Variants in THSD7A observed in about 807,000 individuals in gnomAD.
THSD7A encodes thrombospondin type 1 domain containing 7A, also known as thrombospondin type-1 domain-containing protein 7A.
THSD7A carries 96 observed loss-of-function variants against 231.3 expected under a neutral mutation model. The observed-to-expected ratio is 0.41, with a 90% CI of 0.35 to 0.49. The LOEUF (loss-of-function observed/expected upper bound fraction) is 0.49. Among genes scored for constraint, THSD7A ranks in the 20% least tolerant of loss-of-function variants. The pLI is 0.05. For missense variants in THSD7A, 2,290 were observed against 2,070.2 expected (o/e 1.11, Z -2.06); for synonymous variants, 940 against 743.3 (o/e 1.26, Z -4.30).
At chr7:11,610,641 A>C (rs1442203245) in intron 2 of THSD7A, among the ~76,000 whole-genome samples, 4 of 152,138 alleles carry the variant, frequency 2.6e-5, no homozygotes, top group African/African-American at 4.8e-5. Flanking sequence ...TTAAAAGAAG[A>C]TAATTCTATT....
At chr7:11,638,130 G>C (rs1235155792) in intron 1 of THSD7A, among the ~76,000 whole-genome samples, 1 of 152,024 alleles carries the variant, frequency 6.6e-6, no homozygotes, top group Admixed American at 6.6e-5. Context: ...AACTCTATTT[G>C]TATTATTAGT....
rs546768713 is a variant in THSD7A at position 11,524,126 on chromosome 7, G to C, written c.1822+17293C>G. 2.6e-5 allele frequency among the ~76,000 whole-genome samples: 4 copies of C among 152,200 alleles called. No individual in the cohort carries two copies. The South Asian group carries it at 8.3e-4, about 32-fold the overall frequency. ...TCAATTTGTATTTCTTTATTGCAAT[G>C]TTCTTATATGTTTAGTAACCACCTG... On this transcript the variant is annotated intron_variant, in intron 6 of 27. Coordinates refer to ENST00000423059, the MANE Select transcript of THSD7A (RefSeq NM_015204.3).
At chr7:11,570,832 T>G (rs959079279) in intron 4 of THSD7A, among the ~76,000 whole-genome samples, 1 of 152,202 alleles carries the variant, frequency 6.6e-6, no homozygotes, top group African/African-American at 2.4e-5. Context: ...TATTTTCCCC[T>G]TGATGGGGGA....
chr7:11,462,926 T>C (rs940442593), intron 9 of THSD7A, among the ~76,000 whole-genome samples: 1 of 152,178 alleles, frequency 6.6e-6, no homozygotes. Flanking sequence ...CGTATAAAAC[T>C]TGCCAACTTT....
Position 11,832,102 on chromosome 7 carries a change from A to G in THSD7A, c.-156T>C. 1 of 438,296 alleles carries G rather than the reference A, an allele frequency of 2.3e-6. No individual in the cohort carries two copies. Among genetic ancestry groups the G allele is most frequent in the Non-Finnish European group, 3.6e-6 (1 of 280,010 alleles). 27.2% of individuals were successfully genotyped at this position (438,296 alleles called of 1,614,324 possible). On this transcript the variant is annotated 5_prime_UTR_variant, in exon 1 of 28. Transcript: ENST00000423059. ...AAGGAGGGAGAGCGCGTCTAACACCAGGGAACAATAGCGTCCGCGGTGGTG... is the reference window on the plus strand; with the variant it reads ...AAGGAGGGAGAGCGCGTCTAACACCGGGGAACAATAGCGTCCGCGGTGGTG...
At chr7:11,740,777 G>A (rs908469334) in intron 1 of THSD7A, among the ~76,000 whole-genome samples, 5 of 151,892 alleles carry the variant, frequency 3.3e-5, no homozygotes, top group Admixed American at 6.6e-5. Context: ...TATTGTGTGT[G>A]CATTTGTTTC....
intron 13 of THSD7A, among the ~76,000 whole-genome samples, chr7:11,441,917 C>T (rs966829433): frequency 2.0e-5 from 3 of 151,804 alleles, no homozygotes; most frequent in East Asian, 1.9e-4. Context: ...ACCACCATGG[C>T]GTATGTATAC....
At chr7:11,429,707 A>G (rs1465650226) in intron 13 of THSD7A, among the ~76,000 whole-genome samples, 4 of 152,200 alleles carry the variant, frequency 2.6e-5, no homozygotes, top group African/African-American at 4.8e-5. Flanking sequence ...CACATCTTAT[A>G]TCCATTTGAT....
chr7:11,592,860 T>C (rs1044843714), intron 3 of THSD7A, among the ~76,000 whole-genome samples: 1 of 151,022 alleles, frequency 6.6e-6, no homozygotes, highest in African/African-American at 2.4e-5. Flanking sequence ...ACCTGCCACC[T>C]TTTTTTTTAT....
intron 11 of THSD7A, among the ~76,000 whole-genome samples, chr7:11,456,110 G>A (rs1785300302): frequency 6.6e-6 from 1 of 151,924 alleles, no homozygotes; most frequent in African/African-American, 2.4e-5. Context: ...ATCATAATAG[G>A]TGACCTTTTA....
In THSD7A at chr7:11,474,502, G is replaced by C; in HGVS notation, c.2084C>G (p.Thr695Arg). ...EVRSCNEHPC[T>R]VYHWQTGPWG... ...GGGACCAGTTTGCCAGTGGTACACTGTGCAAGGATGCTCATTACAGCTTCG... is the reference window on the plus strand; with the variant it reads ...GGGACCAGTTTGCCAGTGGTACACTCTGCAAGGATGCTCATTACAGCTTCG... The change falls in exon 8 of 28, where the codon ACA (threonine) becomes AGA (arginine). Residue 695 changes from threonine (T) to arginine (R), a missense_variant. Coordinates refer to ENST00000423059, the MANE Select transcript of THSD7A (RefSeq NM_015204.3). The surrounding 1 kb of genome is among the most constrained non-coding windows in gnomAD (Gnocchi z 4.1). 2 of 1,613,036 alleles carry C rather than the reference G, an allele frequency of 1.2e-6. No homozygotes were observed. Among genetic ancestry groups the C allele is most frequent in the Non-Finnish European group, 1.7e-6 (2 of 1,179,188 alleles).
At chr7:11,525,726 GA>G (rs1017064550) in intron 6 of THSD7A, among the ~76,000 whole-genome samples, 3 of 152,016 alleles carry the variant, frequency 2.0e-5, no homozygotes, top group African/African-American at 7.2e-5. Flanking sequence ...ACAACATAAA[GA>G]AAAAGTGTAC....
At position 11,474,473 on chromosome 7, in the gene THSD7A, C is replaced by T. The variant is rs1370382205; in HGVS notation, c.2113G>A (p.Gly705Ser). 3.7e-6 allele frequency: 6 copies of T among 1,613,460 alleles called. No homozygotes were observed. The highest frequency in any genetic ancestry group is 1.7e-5 in the Admixed American group (1 of 59,990). Residue 705 changes from glycine (G) to serine (S), a missense_variant, in exon 8 of 28, where the codon GGC (glycine) becomes AGC (serine). By Grantham distance (56) the Gly-to-Ser change is moderately conservative. Coordinates refer to ENST00000423059, the MANE Select transcript of THSD7A (RefSeq NM_015204.3). The surrounding 1 kb of genome is among the most constrained non-coding windows in gnomAD (Gnocchi z 4.1). Reference protein sequence around the residue: ...TVYHWQTGPWGQCIEDTSVSS... With the variant: ...TVYHWQTGPWSQCIEDTSVSS... ...ACTGAGGTGTCCTCAATGCACTGGC[C>T]CCAGGGACCAGTTTGCCAGTGGTAC...
At chr7:11,390,634 C>CTGGTGAGGAGGTGTGATCCTTTG (rs1782943731) in intron 23 of THSD7A, among the ~76,000 whole-genome samples, 1 of 152,144 alleles carries the variant, frequency 6.6e-6, no homozygotes. Context: ...TGTTCCCTTG[C>CTGGTGAGGAGGTGTGATCCTTTG]TGGTGAGGAG....
chr7:11,690,205 A>G (rs894129642), intron 1 of THSD7A, among the ~76,000 whole-genome samples: 6 of 151,836 alleles, frequency 4.0e-5, no homozygotes, highest in African/African-American at 1.4e-4. Flanking sequence ...GTAAATATAC[A>G]GAAGCAAAGG....
At chr7:11,818,104 C>T (rs1482116689) in intron 1 of THSD7A, among the ~76,000 whole-genome samples, 2 of 152,154 alleles carry the variant, frequency 1.3e-5, no homozygotes, top group Admixed American at 1.3e-4. Context: ...CATTTGTGTT[C>T]TGATACCACT....
At chr7:11,626,030 T>C (rs181879480) in intron 2 of THSD7A, among the ~76,000 whole-genome samples, 1 of 152,238 alleles carries the variant, frequency 6.6e-6, no homozygotes, top group East Asian at 1.9e-4. Context: ...GGAAAAGTGA[T>C]GAAAGTGATA....
At chr7:11,556,831 C>T (rs574447099) in intron 4 of THSD7A, among the ~76,000 whole-genome samples, 1 of 152,152 alleles carries the variant, frequency 6.6e-6, no homozygotes, top group African/African-American at 2.4e-5. Flanking sequence ...TTCACTGTCA[C>T]TCAAATTTCT....
intron 4 of THSD7A, among the ~76,000 whole-genome samples, chr7:11,573,686 C>T (rs1237910495): frequency 1.3e-5 from 2 of 152,194 alleles, no homozygotes; most frequent in South Asian, 4.1e-4. Context: ...TTATTTACTT[C>T]CTAGGCTTTG....
Sources: gnomAD v4.1 joint callset for allele counts (sites outside exome capture counted in the v4.1 genomes callset) on GRCh38, gnomAD v4.1.1 for gene constraint, Gnocchi (gnomAD v3.1) non-coding constraint, MANE v1.5 for transcripts, NCBI Gene and HGNC (gene_info 2026-07-23, HGNC 2026-07-21) for gene names.